Variants in FAR2 observed in about 807,000 individuals in gnomAD.
The protein encoded by FAR2 is fatty acyl-CoA reductase 2.
In FAR2, 19 loss-of-function variants were observed where a neutral mutation model predicts 56.0. The ratio of observed to expected loss-of-function variants is 0.34; its 90% CI spans 0.24 to 0.50. The LOEUF is 0.50. Ranked by LOEUF, FAR2 falls within the 20% of genes least tolerant of loss-of-function variation. FAR2 has a pLI of 0.98. For missense variants in FAR2, 508 were observed against 642.2 expected, an observed-to-expected ratio of 0.79 and a Z score of 2.26; for synonymous variants, 219 against 218.8, an observed-to-expected ratio of 1.00 and a Z score of -0.01.
intron 1 of FAR2, among the ~76,000 whole-genome samples, chr12:29,265,432 C>A (rs1265954163): frequency 6.6e-6 from 1 of 152,120 alleles, no homozygotes; most frequent in Non-Finnish European, 1.5e-5. Flanking sequence ...GGGGAAAGGA[C>A]AATCTCTTCT....
At chr12:29,166,988 A>G (rs1246758367) in intron 1 of FAR2, among the ~76,000 whole-genome samples, 1 of 152,136 alleles carries the variant, frequency 6.6e-6, no homozygotes, top group Non-Finnish European at 1.5e-5. Context: ...AATTACTTTA[A>G]GAGTACCCTT....
chr12:29,251,990 C>T (rs568834997), intron 1 of FAR2, among the ~76,000 whole-genome samples: 4 of 152,156 alleles, frequency 2.6e-5, no homozygotes, highest in Admixed American at 6.5e-5. Context: ...GGTCTTAGTT[C>T]GAGAGGGAGA....
chr12:29,207,845 C>G (rs1004348136), intron 1 of FAR2, among the ~76,000 whole-genome samples: 2 of 152,210 alleles, frequency 1.3e-5, no homozygotes, highest in African/African-American at 4.8e-5. Context: ...TTTCACACTA[C>G]TGTCCTAATG....
In FAR2 at chr12:29,309,229, C is replaced by T. The variant is rs375583380; in HGVS notation, c.767C>T (p.Ala256Val). 6.3e-6 allele frequency: 10 copies of T among 1,593,706 alleles called. No homozygotes were observed. The highest frequency in any genetic ancestry group is 5.4e-5 in the African/African-American group (4 of 74,284). ...NINGPNGIII[A>V]TGKGFLRAIK... is the part of the protein sequence containing the mutation. ...AATGGACCTAATGGAATCATTATTG[C>T]GGTATGTATAATGATGAAGAAATAA... The change falls in exon 6 of 12, where the codon GCG (alanine) becomes GTG (valine). Residue 256 changes from alanine to valine, a missense_variant and splice_region_variant. Coordinates refer to ENST00000536681, the MANE Select transcript of FAR2 (RefSeq NM_001271783.2).
chr12:29,162,265 G>A (rs562090839), intron 1 of FAR2, among the ~76,000 whole-genome samples: 32 of 152,294 alleles, frequency 2.1e-4, no homozygotes, highest in African/African-American at 7.0e-4. Flanking sequence ...TTTGTGTGAT[G>A]TGAGAAATAA....
At chr12:29,161,432 C>T (rs1565677274) in intron 1 of FAR2, among the ~76,000 whole-genome samples, 1 of 152,150 alleles carries the variant, frequency 6.6e-6, no homozygotes, top group Non-Finnish European at 1.5e-5. Context: ...GGCTTATTTA[C>T]TCAATATTAT....
chr12:29,179,161 A>G (rs771286492), intron 1 of FAR2, among the ~76,000 whole-genome samples: 2 of 152,172 alleles, frequency 1.3e-5, no homozygotes, highest in African/African-American at 2.4e-5. Flanking sequence ...CCTTATCTCC[A>G]AATATGGTCA....
Position 29,180,511 on chromosome 12 carries a change from G to C in FAR2, c.-39+31104G>C, listed in dbSNP as rs73073782. 5.5e-3 allele frequency among the ~76,000 whole-genome samples: 843 copies of C among 152,176 alleles called. 8 individuals are homozygous for C. Among genetic ancestry groups the C allele is most frequent in the Middle Eastern group, 0.017 (5 of 294 alleles). On this transcript the variant is annotated intron_variant, in intron 1 of 11. Transcript: ENST00000536681. The stretch of plus-strand genomic sequence containing the variant: ...GTTCACTTAATTTGTCCATTCACTT[G>C]TGGCTCAACTAAACCAACCTCTTAA...
chr12:29,233,069 TCAGTC>T (rs1460192327), intron 1 of FAR2, among the ~76,000 whole-genome samples: 3 of 152,174 alleles, frequency 2.0e-5, no homozygotes, highest in Non-Finnish European at 1.5e-5. Context: ...TCTCAATCTA[TCAGTC>T]CCCTCTTGGC....
chr12:29,217,649 G>A (rs1947638687), intron 1 of FAR2, among the ~76,000 whole-genome samples: 1 of 152,218 alleles, frequency 6.6e-6, no homozygotes, highest in East Asian at 1.9e-4. Flanking sequence ...GTTCCTGATT[G>A]GATTGAAGTA....
chr12:29,154,885 C>T (rs984361397), intron 1 of FAR2, among the ~76,000 whole-genome samples: 16 of 152,168 alleles, frequency 1.1e-4, no homozygotes, highest in African/African-American at 2.9e-4. Context: ...CAGCATAACA[C>T]GCTTTGGGAA....
At position 29,248,676 on chromosome 12, in the gene FAR2, G is replaced by A. The variant is rs554073468; in HGVS notation, c.-38-21736G>A. Reference sequence around the variant, plus strand: ...ACTGGTCTGACCAAAATTATTAGGCGGGAATTTCCTCTTCCTAATAAGCCT... The same window carrying A: ...ACTGGTCTGACCAAAATTATTAGGCAGGAATTTCCTCTTCCTAATAAGCCT... On this transcript the variant is annotated intron_variant, in intron 1 of 11. Coordinates refer to ENST00000536681, the MANE Select transcript of FAR2 (RefSeq NM_001271783.2). Among the ~76,000 whole-genome samples, 56 of 152,226 alleles carry A rather than the reference G, an allele frequency of 3.7e-4. 1 individual carries two copies. Among genetic ancestry groups the A allele is most frequent in the African/African-American group, 1.1e-3 (45 of 41,552 alleles).
At chr12:29,215,867 C>T (rs1947615584) in intron 1 of FAR2, among the ~76,000 whole-genome samples, 1 of 152,128 alleles carries the variant, frequency 6.6e-6, no homozygotes, top group Non-Finnish European at 1.5e-5. Context: ...ATTTCCCTTA[C>T]TCTCATTGAG....
intron 1 of FAR2, among the ~76,000 whole-genome samples, chr12:29,159,151 G>A (rs1212497348): frequency 1.3e-5 from 2 of 152,156 alleles, no homozygotes; most frequent in Non-Finnish European, 2.9e-5. Context: ...AATATACAAT[G>A]CTCATATATC....
At chr12:29,166,906 T>TA (rs1366785221) in intron 1 of FAR2, among the ~76,000 whole-genome samples, 1 of 152,196 alleles carries the variant, frequency 6.6e-6, no homozygotes, top group Admixed American at 6.5e-5. Flanking sequence ...CTGATACAGA[T>TA]AAACATATGC....
chr12:29,215,768 A>C, intron 1 of FAR2, among the ~76,000 whole-genome samples: 1 of 152,318 alleles, frequency 6.6e-6, no homozygotes, highest in Non-Finnish European at 1.5e-5. Flanking sequence ...TATAAATAAA[A>C]TTAATATATC....
chr12:29,257,264 AG>A (rs1396633742), intron 1 of FAR2, among the ~76,000 whole-genome samples: 9 of 152,092 alleles, frequency 5.9e-5, no homozygotes, highest in African/African-American at 1.9e-4. Flanking sequence ...CACTGTATCT[AG>A]CTACTCTGGT....
At chr12:29,186,804 T>G (rs1269382786) in intron 1 of FAR2, among the ~76,000 whole-genome samples, 1 of 149,448 alleles carries the variant, frequency 6.7e-6, no homozygotes, top group Admixed American at 6.6e-5. Flanking sequence ...ATTTATTTAT[T>G]TTGAGACGGA....
At chr12:29,172,386 T>TAA (rs916036404) in intron 1 of FAR2, among the ~76,000 whole-genome samples, 1 of 150,936 alleles carries the variant, frequency 6.6e-6, no homozygotes, top group Non-Finnish European at 1.5e-5. Context: ...ATTAAAAGTT[T>TAA]AAAAAAAAAA....
Sources: allele counts gnomAD v4.1 joint callset (sites outside exome capture counted in the v4.1 genomes callset), GRCh38; gene constraint gnomAD v4.1.1; transcripts MANE v1.5; gene names NCBI Gene and HGNC (gene_info 2026-07-23, HGNC 2026-07-21).